The following SYTL2 variants were observed in gnomAD, a reference collection of about 807,000 sequenced individuals.
The protein encoded by SYTL2 is synaptotagmin-like protein 2.
SYTL2 carries 165 observed loss-of-function variants against 198.7 expected under a neutral mutation model. The observed-to-expected ratio is 0.83, with a 90% CI of 0.73 to 0.94. The LOEUF is 0.94. Ranked by LOEUF, SYTL2 falls within the 40% of genes least tolerant of loss-of-function variation. SYTL2 has a pLI of 0.00. For missense variants in SYTL2, 2,835 were observed against 2,582.8 expected (o/e 1.10, Z -2.12); for synonymous variants, 966 against 917.7 (o/e 1.05, Z -0.95).
intron 1 of SYTL2, among the ~76,000 whole-genome samples, chr11:85,777,234 T>C (rs1254783039): frequency 1.3e-5 from 2 of 152,224 alleles, no homozygotes; most frequent in Admixed American, 6.5e-5. Context: ...AAGCCCTACT[T>C]TTCCCTTGGC....
the SYTL2 span, among the ~76,000 whole-genome samples, chr11:85,817,186 G>A: frequency 6.9e-4 from 105 of 152,238 alleles, 1 homozygote; most frequent in African/African-American, 2.5e-3. Flanking sequence ...ACTACTATTT[G>A]AGTACGTCCT....
At chr11:85,736,882 G>A (rs1447197792) in intron 5 of SYTL2, among the ~76,000 whole-genome samples, 1 of 152,246 alleles carries the variant, frequency 6.6e-6, no homozygotes, top group African/African-American at 2.4e-5. Context: ...ACATTTTACA[G>A]GTGAAAAAAC....
chr11:85,715,835 T>C (rs912032500), intron 11 of SYTL2, among the ~76,000 whole-genome samples: 2 of 152,212 alleles, frequency 1.3e-5, no homozygotes, highest in African/African-American at 4.8e-5. Context: ...AACTTTTTTG[T>C]TATAACATTG....
chr11:85,724,317 G>T lies in SYTL2; in HGVS notation c.5041C>A (p.Pro1681Thr), dbSNP rs112345154. Residue 1681 changes from proline to threonine, a missense_variant, in exon 8 of 20, where the codon CCC (proline) becomes ACC (threonine). Physicochemically the swap from Pro to Thr is conservative, Grantham distance 38. Coordinates refer to ENST00000359152, the MANE Select transcript of SYTL2 (RefSeq NM_206927.4). ...HEIGTIKTVT[P>T]PEDRDSESGV... ...CTTTCACTGTCCCTGTCCTCTGGGG[G>T]GGTTACAGTTTTAATGGTCCCTATT... The T allele has an allele frequency of 3.2e-5, 51 of 1,578,900 alleles. No individual in the cohort carries two copies. In the African/African-American group the frequency reaches 4.1e-4, roughly 13 times the overall value.
upstream of SYTL2, among the ~76,000 whole-genome samples, chr11:85,811,682 A>T (rs1013608090): frequency 2.0e-5 from 3 of 152,222 alleles, no homozygotes; most frequent in Non-Finnish European, 4.4e-5. Flanking sequence ...TTAAAATACA[A>T]TAATACCTAG....
chr11:85,803,230 G>T (rs950582144), intron 1 of SYTL2, among the ~76,000 whole-genome samples: 2 of 152,206 alleles, frequency 1.3e-5, no homozygotes, highest in Admixed American at 6.5e-5. Context: ...TATCTAAGTG[G>T]TCCTGCTAGG....
intron 13 of SYTL2, 116 bp downstream of exon 13, chr11:85,710,997 A>G: frequency 8.7e-7 from 1 of 1,150,700 alleles, no homozygotes; most frequent in East Asian, 2.5e-5. Flanking sequence ...TGGATTAGAG[A>G]AACTGTTTGT....
chr11:85,839,845 T>C, the SYTL2 span, among the ~76,000 whole-genome samples: 1,349 of 152,330 alleles, frequency 8.9e-3, 22 homozygotes, highest in African/African-American at 0.032. Context: ...TTTTAGCTTT[T>C]TGAGGAACCT....
intron 13 of SYTL2, among the ~76,000 whole-genome samples, 190 bp downstream of exon 13, chr11:85,710,923 G>A (rs894946470): frequency 1.3e-5 from 2 of 151,996 alleles, no homozygotes; most frequent in African/African-American, 4.8e-5. Flanking sequence ...ATTTGTTTAT[G>A]ATGGATATGA....
chr11:85,732,971 T>C (rs2089964494), intron 7 of SYTL2, among the ~76,000 whole-genome samples: 1 of 152,172 alleles, frequency 6.6e-6, no homozygotes, highest in South Asian at 2.1e-4. Flanking sequence ...GTTTCAGGCA[T>C]CCCCTGAGAG....
the SYTL2 span, among the ~76,000 whole-genome samples, chr11:85,823,721 C>T: frequency 6.6e-6 from 1 of 152,086 alleles, no homozygotes; most frequent in African/African-American, 2.4e-5. Flanking sequence ...AGAGTTGGAC[C>T]ACAAGACCTT....
chr11:85,727,730 C>G lies in SYTL2; in HGVS notation c.1628G>C (p.Arg543Pro). 6.4e-7 allele frequency: 1 copy of G among 1,551,158 alleles called. No individual in the cohort carries two copies. ...TGTTTTTTCTTTGGACTCTATTCCT[C>G]GGGGATGTTGGAGGAATGACTTATT... ...DDNKSFLQHP[R>P]GIESKEKTDS... Residue 543 changes from arginine to proline, a missense_variant, in exon 8 of 20, where the codon CGA (arginine) becomes CCA (proline). This residue lies in a region of SYTL2 where 2,645 missense variants were observed against 2,381.7 expected (regional missense o/e 1.11). Transcript: ENST00000359152.
At position 85,745,692 on chromosome 11, in the gene SYTL2, C is replaced by G. The variant is rs1184150295; in HGVS notation, c.334G>C (p.Glu112Gln). The change falls in exon 4 of 20, where the codon GAG becomes CAG. Residue 112 changes from glutamate to glutamine, a missense_variant. Physicochemically the swap from Glu to Gln is conservative, Grantham distance 29. Coordinates refer to ENST00000359152, the MANE Select transcript of SYTL2 (RefSeq NM_206927.4). ...NVNKDAFLPP[E>Q]LAGVVEEPEE... ...GGCTCTTCTACAACGCCAGCCAGCT[C>G]TGGAGGAAGGAAAGCATCTTTGTTG... 3.1e-6 allele frequency: 5 copies of G among 1,613,864 alleles called. No homozygotes were observed. The highest frequency in any genetic ancestry group is 4.2e-6 in the Non-Finnish European group (5 of 1,179,864).
chr11:85,739,199 G>T (rs1048864915), intron 4 of SYTL2, among the ~76,000 whole-genome samples: 10 of 150,862 alleles, frequency 6.6e-5, no homozygotes, highest in Middle Eastern at 3.5e-3. Context: ...ATAAACGAAG[G>T]CCAATTGAGC....
intron 1 of SYTL2, among the ~76,000 whole-genome samples, chr11:85,767,031 C>T (rs1422312967): frequency 6.6e-6 from 1 of 152,180 alleles, no homozygotes; most frequent in African/African-American, 2.4e-5. Context: ...TGATGTCCAG[C>T]AATCTGCATT....
the SYTL2 span, among the ~76,000 whole-genome samples, chr11:85,835,398 T>C: frequency 6.6e-6 from 1 of 152,238 alleles, no homozygotes; most frequent in African/African-American, 2.4e-5. Context: ...TTAGTCACTA[T>C]TTATATAACA....
At position 85,725,403 on chromosome 11, in the gene SYTL2, C is replaced by T; in HGVS notation, c.3955G>A (p.Gly1319Ser). 1 of 1,613,984 alleles carries T rather than the reference C, an allele frequency of 6.2e-7. No individual in the cohort carries two copies. The change falls in exon 8 of 20, where the codon GGT (glycine) becomes AGT (serine). Residue 1319 changes from glycine (G) to serine (S), a missense_variant. Coordinates refer to ENST00000359152, the MANE Select transcript of SYTL2 (RefSeq NM_206927.4). ...GGGCTGGCCACATCCCCAAAAGAACCCTTTCTGGAAAGCTGGGAAGTTGGA... is the reference window on the plus strand; with the variant it reads ...GGGCTGGCCACATCCCCAAAAGAACTCTTTCTGGAAAGCTGGGAAGTTGGA... ...LDPTSQLSRK[G>S]SFGDVASPPQ...
the SYTL2 span, among the ~76,000 whole-genome samples, chr11:85,833,007 AAAGAAAAGAAAGAAAGAAAG>A: frequency 1.2e-5 from 1 of 86,710 alleles, no homozygotes; most frequent in Non-Finnish European, 2.2e-5. Context: ...AAAAAAAAAG[AAAGAAAAGAAAGAAAGAAAG>A]AAAGAAAGAA....
At chr11:85,805,207 AG>A (rs2092942247) in intron 1 of SYTL2, among the ~76,000 whole-genome samples, 1 of 151,874 alleles carries the variant, frequency 6.6e-6, no homozygotes, top group Admixed American at 6.6e-5. Context: ...TAAAAGAAAA[AG>A]GGCCGAGTGT....
Sources: gnomAD v4.1 joint callset for allele counts (sites outside exome capture counted in the v4.1 genomes callset) on GRCh38, gnomAD v4.1.1 for gene constraint, gnomAD v4.1.1 regional missense constraint, MANE v1.5 for transcripts, NCBI Gene and HGNC (gene_info 2026-07-23, HGNC 2026-07-21) for gene names.